LIN7A: variants seen among roughly 807,000 people sequenced by gnomAD.
The protein encoded by LIN7A is lin-7 cell polarity scaffold A.
Under a neutral mutation model 29.8 loss-of-function variants are expected in LIN7A, and 25 were observed. The observed-to-expected ratio is 0.84, with a 90% confidence interval of 0.61 to 1.17. The LOEUF (loss-of-function observed/expected upper bound fraction) is 1.17, where lower values mean the gene tolerates loss of function less well. Ranked by LOEUF, LIN7A falls within the 50% of genes most tolerant of loss-of-function variation. The pLI, the probability that LIN7A is intolerant of heterozygous loss-of-function variation, is 0.00. For synonymous variants in LIN7A, 118 were observed against 107.5 expected, an observed-to-expected ratio of 1.10 and a Z score of -0.60; for missense variants, 239 against 287.0, an observed-to-expected ratio of 0.83 and a Z score of 1.21.
intron 4 of LIN7A, among the ~76,000 whole-genome samples, chr12:80,837,146 C>T (rs552901176): frequency 1.3e-5 from 2 of 152,240 alleles, no homozygotes; most frequent in East Asian, 3.9e-4. Context: ...AACCAACGTG[C>T]CCATGCTCTG....
chr12:80,918,782 G>T (rs11614487), intron 1 of LIN7A, among the ~76,000 whole-genome samples: 1 of 152,118 alleles, frequency 6.6e-6, no homozygotes, highest in Non-Finnish European at 1.5e-5. Flanking sequence ...ATATGAGCAA[G>T]AACAGAAAAA....
chr12:80,911,370 G>A (rs888448112), intron 1 of LIN7A, among the ~76,000 whole-genome samples: 3 of 150,822 alleles, frequency 2.0e-5, no homozygotes, highest in South Asian at 4.2e-4. Flanking sequence ...CCCACTTCAG[G>A]CTACTGGCAG....
intron 1 of LIN7A, among the ~76,000 whole-genome samples, chr12:80,897,923 G>A (rs1798061333): frequency 6.6e-6 from 1 of 152,120 alleles, no homozygotes; most frequent in Non-Finnish European, 1.5e-5. Context: ...TCTGTAAGTT[G>A]TTTGTTTACT....
chr12:80,850,181 TCA>T (rs1270578477), intron 2 of LIN7A, among the ~76,000 whole-genome samples: 3 of 152,300 alleles, frequency 2.0e-5, no homozygotes, highest in Admixed American at 2.0e-4. Flanking sequence ...GTAGATAATT[TCA>T]CAGACTCTGA....
intron 2 of LIN7A, among the ~76,000 whole-genome samples, chr12:80,856,951 C>T (rs749377017): frequency 6.6e-5 from 10 of 152,204 alleles, no homozygotes; most frequent in Non-Finnish European, 1.0e-4. Flanking sequence ...ACAATTTAGC[C>T]TCTGCACACC....
At chr12:80,905,967 AATTT>A (rs1395222082) in intron 1 of LIN7A, among the ~76,000 whole-genome samples, 3 of 152,126 alleles carry the variant, frequency 2.0e-5, no homozygotes, top group Non-Finnish European at 2.9e-5. Flanking sequence ...TCTTGGGGAT[AATTT>A]ATTTTAGATA....
chr12:80,811,962 A>C (rs1162368602), intron 4 of LIN7A, among the ~76,000 whole-genome samples: 1 of 152,190 alleles, frequency 6.6e-6, no homozygotes, highest in Non-Finnish European at 1.5e-5. Context: ...TTAGGAATGA[A>C]ATTTCCAAAT....
intron 2 of LIN7A, among the ~76,000 whole-genome samples, chr12:80,877,953 T>C (rs1240329430): frequency 2.0e-5 from 3 of 151,980 alleles, no homozygotes; most frequent in African/African-American, 7.2e-5. Context: ...GAAGACAGAA[T>C]GTTCACTCTA....
intron 1 of LIN7A, among the ~76,000 whole-genome samples, chr12:80,894,451 C>T (rs1168359228): frequency 1.3e-5 from 2 of 151,582 alleles, no homozygotes; most frequent in Non-Finnish European, 2.9e-5. Flanking sequence ...TGCTCTCCCT[C>T]ACACTCCCTC....
intron 5 of LIN7A, among the ~76,000 whole-genome samples, 191 bp from the exon 6 acceptor site, chr12:80,797,917 G>A (rs145314504): frequency 2.6e-5 from 4 of 152,326 alleles, no homozygotes; most frequent in African/African-American, 9.6e-5. Flanking sequence ...ATTATCAAAT[G>A]AGGATGGAAA....
At chr12:80,887,142 C>T (rs572028791) in intron 2 of LIN7A, among the ~76,000 whole-genome samples, 27 of 152,180 alleles carry the variant, frequency 1.8e-4, no homozygotes, top group African/African-American at 6.3e-4. Flanking sequence ...CTTTGACATC[C>T]CATATCACCA....
chr12:80,877,909 A>G (rs1210429612), intron 2 of LIN7A, among the ~76,000 whole-genome samples: 1 of 152,108 alleles, frequency 6.6e-6, no homozygotes, highest in East Asian at 1.9e-4. Flanking sequence ...TGCCAAAAAT[A>G]GAAGTTCTGA....
At chr12:80,810,142 C>G (rs1031970405) in intron 5 of LIN7A, among the ~76,000 whole-genome samples, 3 of 152,106 alleles carry the variant, frequency 2.0e-5, no homozygotes, top group African/African-American at 7.2e-5. Context: ...AAACTTGTAA[C>G]CTTTAGCTAA....
At chr12:80,818,930 C>A (rs1871665085) in intron 4 of LIN7A, among the ~76,000 whole-genome samples, 1 of 152,156 alleles carries the variant, frequency 6.6e-6, no homozygotes, top group Non-Finnish European at 1.5e-5. Context: ...CTATAGTTGG[C>A]ATTTTTGATC....
intron 4 of LIN7A, among the ~76,000 whole-genome samples, chr12:80,828,244 ATAGT>A (rs1394513216): frequency 2.0e-5 from 3 of 152,196 alleles, no homozygotes; most frequent in Admixed American, 6.5e-5. Flanking sequence ...CCTGAGAAAA[ATAGT>A]TACTCATATA....
chr12:80,813,137 A>C (rs893057442), intron 4 of LIN7A, among the ~76,000 whole-genome samples: 1 of 151,860 alleles, frequency 6.6e-6, no homozygotes, highest in Non-Finnish European at 1.5e-5. Flanking sequence ...CAGCCTCCCG[A>C]GTAGCTGGGA....
intron 1 of LIN7A, among the ~76,000 whole-genome samples, chr12:80,910,816 T>A (rs1876712338): frequency 6.6e-6 from 1 of 152,206 alleles, no homozygotes; most frequent in African/African-American, 2.4e-5. Flanking sequence ...TACATTCATA[T>A]CCATGAGAAA....
intron 2 of LIN7A, among the ~76,000 whole-genome samples, chr12:80,879,645 CAAAAAAA>C (rs530877505): frequency 3.1e-4 from 18 of 58,742 alleles, no homozygotes; most frequent in African/African-American, 8.2e-4. Context: ...TGGAGCAGCC[CAAAAAAA>C]AAAAAAAAAA....
At chr12:80,807,964 G>C (rs1050233418) in intron 5 of LIN7A, among the ~76,000 whole-genome samples, 4 of 152,106 alleles carry the variant, frequency 2.6e-5, no homozygotes, top group African/African-American at 9.7e-5. Flanking sequence ...TGTCTCTCCT[G>C]TGCTTAAAAA....
Sources: allele counts gnomAD v4.1 joint callset (sites outside exome capture counted in the v4.1 genomes callset), GRCh38; gene constraint gnomAD v4.1.1; transcripts MANE v1.5; gene names NCBI Gene and HGNC (gene_info 2026-07-23, HGNC 2026-07-21).